The following CBFA2T3 variants were observed in gnomAD, a reference collection of about 807,000 sequenced individuals.
CBFA2T3 encodes the protein CBFA2/RUNX1 partner transcriptional co-repressor 3.
CBFA2T3 carries 31 observed loss-of-function variants against 58.6 expected under a neutral mutation model. The observed-to-expected ratio is 0.53, with a 90% CI of 0.40 to 0.71. The LOEUF is 0.71. Among genes scored for constraint, CBFA2T3 ranks in the 30% least tolerant of loss-of-function variants. The probability of loss-of-function intolerance (pLI) is 0.00; values close to 1 mark genes in which losing one functional copy is unlikely to be tolerated. For synonymous variants in CBFA2T3, 531 were observed against 421.9 expected, an observed-to-expected ratio of 1.26 and a Z score of -3.17; for missense variants, 1,076 against 963.1, an observed-to-expected ratio of 1.12 and a Z score of -1.55.
rs1305760467 is a variant in CBFA2T3, at chr16:88,907,167, A to G, written c.152-5511T>C. On this transcript the variant is annotated intron_variant, in intron 1 of 11. Transcript: ENST00000268679. ...GACCCCGGTCCCCGAGGACACCCAC[A>G]TGTATTTTCAAACAGCTCCCGAGGC... 5.9e-5 allele frequency among the ~76,000 whole-genome samples: 9 copies of G among 152,308 alleles called. No homozygotes were observed. In the East Asian group the frequency reaches 7.7e-4, roughly 13 times the overall value.
chr16:88,889,203 G>A (rs928751403), intron 5 of CBFA2T3, among the ~76,000 whole-genome samples: 17 of 151,690 alleles, frequency 1.1e-4, no homozygotes, highest in African/African-American at 3.9e-4. Flanking sequence ...GATGGGCCCA[G>A]GCTCCTGCCA....
chr16:88,913,481 T>C (rs1459958541), intron 1 of CBFA2T3, among the ~76,000 whole-genome samples: 4 of 152,162 alleles, frequency 2.6e-5, no homozygotes, highest in East Asian at 3.8e-4. Flanking sequence ...TCTCAACATA[T>C]CAGAGCTGCA....
chr16:88,884,882 C>G (rs1223567074), intron 7 of CBFA2T3, 164 bp downstream of exon 7: 1 of 586,926 alleles, frequency 1.7e-6, no homozygotes, highest in Non-Finnish European at 2.9e-6. Flanking sequence ...TCTGCAGCCA[C>G]CGCTCTGCTC....
rs1280207966 is a variant in CBFA2T3, at chr16:88,960,103, A to G, written c.151+16554T>C. Among the ~76,000 whole-genome samples the G allele has an allele frequency of 3.3e-5, 5 of 152,332 alleles. No individual in the cohort carries two copies. The South Asian group carries it at 6.2e-4, about 19-fold the overall frequency. On this transcript the variant is annotated intron_variant, in intron 1 of 11. Coordinates refer to ENST00000268679, the MANE Select transcript of CBFA2T3 (RefSeq NM_005187.6). ...GGAAAGATGAGTCTGTTTCCCTCAG[A>G]TGATTTTCAGTAGAAAACAGGCAGA...
At chr16:88,925,151 A>T (rs1390877583) in intron 1 of CBFA2T3, among the ~76,000 whole-genome samples, 1 of 152,212 alleles carries the variant, frequency 6.6e-6, no homozygotes, top group African/African-American at 2.4e-5. Flanking sequence ...GCAGCAGGCC[A>T]TGTCCGCAGT....
intron 1 of CBFA2T3, among the ~76,000 whole-genome samples, chr16:88,932,818 A>C (rs1971358889): frequency 1.3e-5 from 2 of 148,882 alleles, no homozygotes; most frequent in African/African-American, 5.0e-5. Flanking sequence ...AAAAAAAAAA[A>C]AAAAGCCGGG....
rs115020345 is a variant in CBFA2T3, at chr16:88,907,948, G to A, written c.152-6292C>T. 7.0e-3 allele frequency among the ~76,000 whole-genome samples: 1,059 copies of A among 152,296 alleles called. 15 individuals carry two copies. The highest frequency in any genetic ancestry group is 0.024 in the African/African-American group (1,014 of 41,552). On this transcript the variant is annotated intron_variant, in intron 1 of 11. Coordinates refer to ENST00000268679, the MANE Select transcript of CBFA2T3 (RefSeq NM_005187.6). ...CAAAGGGTCTGGGCATGCAGGAACT[G>A]GTCAGATGTCTAAAGGAAGAGGACA... is the stretch of plus-strand genomic sequence containing the variant.
In CBFA2T3 at chr16:88,880,759, G is replaced by T; in HGVS notation, c.1432C>A (p.Leu478Ile). The T allele has an allele frequency of 6.3e-7, 1 of 1,584,072 alleles. No homozygotes were observed. Among genetic ancestry groups the T allele is most frequent in the Middle Eastern group, 1.7e-4 (1 of 6,034 alleles). ...DVPREFLPRT[L>I]TGYVPEDIWR... ...ATGTCCTCAGGCACGTAGCCGGTGA[G>T]GGTCCTCGGCAGGAACTCGCGAGGC... is the stretch of plus-strand genomic sequence containing the variant. The change falls in exon 10 of 12, where the codon CTC becomes ATC. Residue 478 changes from leucine (L) to isoleucine (I), a missense_variant. Transcript: ENST00000268679.
At chr16:88,968,777 C>T (rs1479801298) in intron 1 of CBFA2T3, among the ~76,000 whole-genome samples, 1 of 152,162 alleles carries the variant, frequency 6.6e-6, no homozygotes, top group Non-Finnish European at 1.5e-5. Context: ...AGCGGGGACG[C>T]CTCTTTCATT....
chr16:88,920,324 T>G (rs112208630), intron 1 of CBFA2T3, among the ~76,000 whole-genome samples: 7,655 of 152,314 alleles, frequency 0.05, 463 homozygotes, highest in African/African-American at 0.14. Context: ...TCACCCAGGC[T>G]GAAGTGCAGA....
chr16:88,898,018 G>T, intron 3 of CBFA2T3, 60 bp downstream of exon 3: 1 of 1,259,906 alleles, frequency 7.9e-7, no homozygotes, highest in Non-Finnish European at 1.2e-6. Context: ...TGTTGGGCCA[G>T]CTGAGGATGC....
chr16:88,912,270 C>T (rs973657731), intron 1 of CBFA2T3, among the ~76,000 whole-genome samples: 4 of 152,240 alleles, frequency 2.6e-5, no homozygotes, highest in African/African-American at 7.2e-5. Context: ...GATAGCTGCA[C>T]CCTGCAAGTG....
At chr16:88,960,870 T>G (rs1180555489) in intron 1 of CBFA2T3, among the ~76,000 whole-genome samples, 2 of 152,262 alleles carry the variant, frequency 1.3e-5, no homozygotes, top group Non-Finnish European at 2.9e-5. Context: ...TGCCAGATTT[T>G]GGAGATTACA....
At chr16:88,932,415 G>T (rs979226263) in intron 1 of CBFA2T3, among the ~76,000 whole-genome samples, 1 of 149,808 alleles carries the variant, frequency 6.7e-6, no homozygotes, top group African/African-American at 2.5e-5. Context: ...TGGGAGGATC[G>T]TTTGAGCCCA....
Position 88,927,762 on chromosome 16 carries a change from C to T in CBFA2T3, c.152-26106G>A, listed in dbSNP as rs142735501. 4.3e-3 allele frequency among the ~76,000 whole-genome samples: 662 copies of T among 152,306 alleles called. 2 individuals carry two copies. Among genetic ancestry groups the T allele is most frequent in the Admixed American group, 7.3e-3 (112 of 15,312 alleles). On this transcript the variant is annotated intron_variant, in intron 1 of 11. Coordinates refer to ENST00000268679, the MANE Select transcript of CBFA2T3 (RefSeq NM_005187.6). Reference sequence around the variant, plus strand: ...CCAGCTGGCCGTCCGCCCGTGCGGACACCCGGGAGCCAACACTGACCCGAA... The same window carrying T: ...CCAGCTGGCCGTCCGCCCGTGCGGATACCCGGGAGCCAACACTGACCCGAA...
intron 9 of CBFA2T3, chr16:88,881,083 C>T (rs1037586021): frequency 2.8e-6 from 2 of 713,784 alleles, no homozygotes; most frequent in Non-Finnish European, 5.1e-6. Context: ...GGCCTCCCAG[C>T]TCCGAGCCTC....
chr16:88,902,941 C>T (rs565457728), intron 1 of CBFA2T3, among the ~76,000 whole-genome samples: 139 of 152,268 alleles, frequency 9.1e-4, no homozygotes, highest in Middle Eastern at 3.4e-3. Context: ...CCTGTTAACA[C>T]CTGTGGGTCT....
rs1384240286 is a variant in CBFA2T3 at position 88,976,717 on chromosome 16, T to C, written c.91A>G (p.Ser31Gly). 5.8e-6 allele frequency: 9 copies of C among 1,558,448 alleles called. No individual in the cohort carries two copies. The highest frequency in any genetic ancestry group is 7.8e-6 in the Non-Finnish European group (9 of 1,151,196). Residue 31 changes from serine to glycine, a missense_variant, in exon 1 of 12, where the codon AGC becomes GGC. By Grantham distance (56) the Ser-to-Gly change is moderately conservative (BLOSUM62 0). Coordinates refer to ENST00000268679, the MANE Select transcript of CBFA2T3 (RefSeq NM_005187.6). The stretch of plus-strand genomic sequence containing the variant: ...CAGCCGGCAGATGCCAGGAGGCCGC[T>C]CTCCAGCACAGGGTGCGTCTGGGAC... ...SMSQTHPVLESGLLASAGCSA... is the reference protein window; with the variant it reads ...SMSQTHPVLEGGLLASAGCSA...
chr16:88,899,996 G>A (rs1169375032), intron 2 of CBFA2T3, among the ~76,000 whole-genome samples: 4 of 152,220 alleles, frequency 2.6e-5, no homozygotes, highest in Admixed American at 1.3e-4. Flanking sequence ...ATCCCAGCCC[G>A]GCCACATCGC....
Sources: allele counts gnomAD v4.1 joint callset (sites outside exome capture counted in the v4.1 genomes callset), GRCh38; gene constraint gnomAD v4.1.1; transcripts MANE v1.5; gene names NCBI Gene and HGNC (gene_info 2026-07-23, HGNC 2026-07-21).